BRAF: variants seen among roughly 807,000 people sequenced by gnomAD.
BRAF encodes the protein serine/threonine-protein kinase B-raf.
BRAF carries 16 observed loss-of-function variants against 104.6 expected under a neutral mutation model. That is an observed-to-expected ratio of 0.15 (90% CI 0.10 to 0.23). BRAF has a LOEUF of 0.23. Among genes scored for constraint, BRAF ranks in the 10% least tolerant of loss-of-function variants. The pLI is 1.00. For synonymous variants in BRAF, 310 were observed against 341.6 expected (o/e 0.91, Z 1.02); for missense variants, 541 against 937.3 (o/e 0.58, Z 5.52).
rs1167352727 is a variant in BRAF, at chr7:140,908,992, T to C, written c.138+15574A>G. Among the ~76,000 whole-genome samples the C allele has an allele frequency of 1.4e-5, 2 of 146,370 alleles. 1 individual carries two copies. The highest frequency in any genetic ancestry group is 3.9e-4 in the East Asian group (2 of 5,104). ...CTCTGCAACTGCTCTACGTTTTCTT[T>C]TTTTTTTTTTTTTTTTAATACTGTT... On this transcript the variant is annotated intron_variant, in intron 1 of 19. Transcript: ENST00000644969.
intron 1 of BRAF, among the ~76,000 whole-genome samples, chr7:140,852,061 G>T (rs970358015): frequency 9.2e-5 from 14 of 152,158 alleles, no homozygotes; most frequent in African/African-American, 3.4e-4. Context: ...AGCATCTTCT[G>T]AAAGACTGTG....
At chr7:140,866,570 G>T (rs910857254) in intron 1 of BRAF, among the ~76,000 whole-genome samples, 12 of 152,154 alleles carry the variant, frequency 7.9e-5, no homozygotes, top group African/African-American at 2.9e-4. Context: ...TATATTCTGG[G>T]TAAGCTTAGA....
chr7:140,888,623 G>T (rs914157879), intron 1 of BRAF, among the ~76,000 whole-genome samples: 1 of 152,112 alleles, frequency 6.6e-6, no homozygotes, highest in African/African-American at 2.4e-5. Flanking sequence ...ATCACCTGAG[G>T]TTGGGAGTTC....
At chr7:140,913,724 C>T (rs1817277980) in intron 1 of BRAF, among the ~76,000 whole-genome samples, 1 of 151,948 alleles carries the variant, frequency 6.6e-6, no homozygotes, top group Admixed American at 6.6e-5. Flanking sequence ...CCTCATGATC[C>T]ACCCGCCAGG....
At chr7:140,752,811 A>C (rs1410342747) in intron 16 of BRAF, among the ~76,000 whole-genome samples, 1 of 152,226 alleles carries the variant, frequency 6.6e-6, no homozygotes, top group African/African-American at 2.4e-5. Context: ...TTCTCTTAGC[A>C]AAACCATAAT....
chr7:140,828,545 C>T (rs1806337068), intron 3 of BRAF, among the ~76,000 whole-genome samples: 1 of 152,140 alleles, frequency 6.6e-6, no homozygotes, highest in African/African-American at 2.4e-5. Flanking sequence ...TAAGTAATAT[C>T]AGAGTTTCCA....
intron 1 of BRAF, among the ~76,000 whole-genome samples, chr7:140,904,849 C>T (rs770791276): frequency 1.1e-4 from 17 of 152,144 alleles, no homozygotes; most frequent in Admixed American, 3.3e-4. Flanking sequence ...CCTCGTGATC[C>T]GCCTGCCTCG....
intron 2 of BRAF, among the ~76,000 whole-genome samples, chr7:140,849,049 A>G (rs1808864109): frequency 6.6e-6 from 1 of 152,204 alleles, no homozygotes; most frequent in African/African-American, 2.4e-5. Context: ...CCAAATGGCA[A>G]CCTGATCATT....
At chr7:140,908,170 C>G (rs1816548900) in intron 1 of BRAF, among the ~76,000 whole-genome samples, 1 of 152,090 alleles carries the variant, frequency 6.6e-6, no homozygotes, top group South Asian at 2.1e-4. Flanking sequence ...TGTTTCTGCT[C>G]TCTTCTTATT....
At chr7:140,761,477 C>T (rs1476220724) in intron 14 of BRAF, among the ~76,000 whole-genome samples, 2 of 151,850 alleles carry the variant, frequency 1.3e-5, no homozygotes, top group African/African-American at 2.4e-5. Flanking sequence ...GAAACTGCAT[C>T]AACTAACGAG....
intron 1 of BRAF, among the ~76,000 whole-genome samples, chr7:140,859,317 G>A (rs1479016851): frequency 6.6e-6 from 1 of 152,166 alleles, no homozygotes; most frequent in Admixed American, 6.5e-5. Context: ...GCTTTCCCTA[G>A]TAAGACCATT....
intron 1 of BRAF, among the ~76,000 whole-genome samples, chr7:140,872,757 G>C (rs1266325955): frequency 2.0e-5 from 3 of 152,120 alleles, no homozygotes; most frequent in African/African-American, 7.2e-5. Flanking sequence ...CAGCTATTCA[G>C]GAGGCCAAAG....
the BRAF span, among the ~76,000 whole-genome samples, chr7:140,713,664 T>A: frequency 6.6e-6 from 1 of 152,212 alleles, no homozygotes; most frequent in Non-Finnish European, 1.5e-5. Flanking sequence ...ACTGCATTCC[T>A]TTGGAGGAGG....
chr7:140,752,468 G>C (rs775428296), intron 16 of BRAF, among the ~76,000 whole-genome samples: 5 of 152,172 alleles, frequency 3.3e-5, no homozygotes, highest in Non-Finnish European at 5.9e-5. Flanking sequence ...AAGATCTTGT[G>C]GACCCTCTAA....
At chr7:140,815,422 G>A (rs1368227595) in intron 3 of BRAF, among the ~76,000 whole-genome samples, 1 of 149,416 alleles carries the variant, frequency 6.7e-6, no homozygotes, top group Non-Finnish European at 1.5e-5. Flanking sequence ...TAGGATTACA[G>A]GTGTGAGCCA....
At chr7:140,840,869 C>A (rs1159264749) in intron 2 of BRAF, among the ~76,000 whole-genome samples, 1 of 151,458 alleles carries the variant, frequency 6.6e-6, no homozygotes, top group African/African-American at 2.4e-5. Context: ...CATGCACCAC[C>A]ACGCCTGGAT....
intron 2 of BRAF, among the ~76,000 whole-genome samples, chr7:140,836,516 C>T (rs1260230677): frequency 7.8e-6 from 1 of 128,540 alleles, no homozygotes; most frequent in Non-Finnish European, 1.5e-5. Flanking sequence ...ACAAGAGCTA[C>T]TGAGGAAGAG....
At chr7:140,778,174 C>G (rs545813924) in intron 12 of BRAF, 99 bp from the exon 12 acceptor site, 84 of 987,642 alleles carry the variant, frequency 8.5e-5, no homozygotes, top group Middle Eastern at 3.0e-4. Flanking sequence ...AGCCCTAACT[C>G]CATACCATTA....
intron 3 of BRAF, among the ~76,000 whole-genome samples, chr7:140,814,723 TTATA>T (rs1406464081): frequency 2.9e-5 from 4 of 139,316 alleles, no homozygotes; most frequent in African/African-American, 1.2e-4. Flanking sequence ...TGTATATAAT[TTATA>T]TATAACATAA....
Sources: allele counts gnomAD v4.1 joint callset (sites outside exome capture counted in the v4.1 genomes callset), GRCh38; gene constraint gnomAD v4.1.1; transcripts MANE v1.5; gene names NCBI Gene and HGNC (gene_info 2026-07-23, HGNC 2026-07-21).